MAK: variants seen among roughly 807,000 people sequenced by gnomAD.
The protein encoded by MAK is serine/threonine-protein kinase MAK.
In MAK, 65 loss-of-function variants were observed where a neutral mutation model predicts 82.6. That is an observed-to-expected ratio of 0.79 (90% CI 0.64 to 0.97). The LOEUF is 0.97. Among genes scored for constraint, MAK ranks in the 50% least tolerant of loss-of-function variants. The pLI is 0.00. For missense variants in MAK, 703 were observed against 780.2 expected (o/e 0.90, Z 1.18); for synonymous variants, 250 against 274.2 (o/e 0.91, Z 0.87).
chr6:10,782,212 A>T (rs1370400509), intron 11 of MAK, among the ~76,000 whole-genome samples: 769 of 7,492 alleles, frequency 0.1, 8 homozygotes, highest in African/African-American at 0.26. Context: ...TCACACACAC[A>T]CACACACACA....
intron 6 of MAK, 82 bp from the exon 7 acceptor site, chr6:10,803,973 C>A: frequency 1.7e-6 from 2 of 1,172,454 alleles, no homozygotes; most frequent in South Asian, 2.5e-5. Context: ...GCTGTGTGGT[C>A]ATGCATTTCC....
At chr6:10,790,290 C>T (rs1406646268) in intron 10 of MAK, among the ~76,000 whole-genome samples, 2 of 152,108 alleles carry the variant, frequency 1.3e-5, no homozygotes, top group African/African-American at 2.4e-5. Flanking sequence ...ATATGTACTC[C>T]TTAGAGATTC....
chr6:10,796,425 G>T (rs1775569508), intron 8 of MAK, 116 bp from the exon 9 acceptor site: 4 of 802,536 alleles, frequency 5.0e-6, no homozygotes, highest in African/African-American at 1.7e-5. Context: ...GAGCTTCAAA[G>T]ATTTAGAAAG....
Position 10,770,334 on chromosome 6 carries a change from A to G in MAK, c.1673-104T>C, listed in dbSNP as rs1772889064. 3 of 1,354,834 alleles carry G rather than the reference A, an allele frequency of 2.2e-6. No homozygotes were observed. The East Asian group carries it at 6.9e-5, about 31-fold the overall frequency. The allele number at this position is 1,354,834 out of a possible 1,614,324, so 83.9% of individuals were successfully genotyped here. ...TTACTTCTAAATACTATTTTTCAGC[A>G]TCTACTATGTTTTAGGCACTGAGCT... is the stretch of plus-strand genomic sequence containing the variant. On this transcript the variant is annotated intron_variant, in intron 13 of 14. Transcript: ENST00000354489.
chr6:10,791,989 T>C lies in MAK; in HGVS notation c.1144-142A>G, dbSNP rs1581689785. 6.7e-5 allele frequency: 58 copies of C among 860,650 alleles called. No individual in the cohort carries two copies. The East Asian group carries it at 1.5e-3, about 22-fold the overall frequency. The allele number at this position is 860,650 out of a possible 1,614,324, so 53.3% of individuals were successfully genotyped here. A position where few individuals can be genotyped will look rare whatever the true frequency, so the allele number is the denominator to read the frequency against. On this transcript the variant is annotated intron_variant, in intron 9 of 14. Transcript: ENST00000354489. ...TGTAAGGGCATAACATATATACACATTTAAAAGCATGAACAAAAATGGGCG... is the reference window on the plus strand; with the variant it reads ...TGTAAGGGCATAACATATATACACACTTAAAAGCATGAACAAAAATGGGCG...
rs1772183901 is a variant in MAK at position 10,764,201 on chromosome 6, A to G, written c.*251T>C. ...TTAAATTGTAGATCAAATACTTCAT[A>G]CTTTGGCAAATAGTTTATTCAATAC... On this transcript the variant is annotated 3_prime_UTR_variant, in exon 15 of 15. Coordinates refer to ENST00000354489, the MANE Select transcript of MAK (RefSeq NM_001242957.3). 2.2e-6 allele frequency: 1 copy of G among 453,958 alleles called. No individual in the cohort carries two copies. Among genetic ancestry groups the G allele is most frequent in the African/African-American group, 2.0e-5 (1 of 50,434 alleles). 28.1% of individuals were successfully genotyped at this position (453,958 alleles called of 1,614,324 possible). A position where few individuals can be genotyped will look rare whatever the true frequency, so the allele number is the denominator to read the frequency against.
In MAK at chr6:10,773,048, A is replaced by G. The variant is rs1773159576; in HGVS notation, c.1658T>C (p.Leu553Ser). 5.2e-6 allele frequency: 8 copies of G among 1,531,544 alleles called. No homozygotes were observed. The highest frequency in any genetic ancestry group is 6.1e-6 in the Non-Finnish European group (7 of 1,143,066). The allele number at this position is 1,531,544 out of a possible 1,614,324, so 94.9% of individuals were successfully genotyped here. The change falls in exon 13 of 15, where the codon TTA (leucine) becomes TCA (serine). Residue 553 changes from leucine (L) to serine (S), a missense_variant. Transcript: ENST00000354489. Reference sequence around the variant, plus strand: ...CCAGAAATTACCTTGTGGGTCCTCTAATTTTTCAGGAAAAGTTTCATTGCA... The same window carrying G: ...CCAGAAATTACCTTGTGGGTCCTCTGATTTTTCAGGAAAAGTTTCATTGCA... ...LSCNETFPEK[L>S]EDPQGNLGSY...
At chr6:10,828,021 T>G (rs184712153) in intron 2 of MAK, among the ~76,000 whole-genome samples, 103 of 152,076 alleles carry the variant, frequency 6.8e-4, no homozygotes, top group Non-Finnish European at 1.3e-3. Flanking sequence ...TCAATGTTTG[T>G]TTTTTTTAGT....
rs80100188 is a variant in MAK, at chr6:10,779,180, G to A, written c.1466-3721C>T. ...GAAGTGCTATGGAGTGAGCTGCTCC[G>A]GCCAGCAGTGGTGGCATCGATTCAT... On this transcript the variant is annotated intron_variant, in intron 11 of 14. Coordinates refer to ENST00000354489, the MANE Select transcript of MAK (RefSeq NM_001242957.3). 1,303 of 167,968 alleles carry A rather than the reference G, an allele frequency of 7.8e-3. 13 individuals are homozygous for A. The highest frequency in any genetic ancestry group is 0.031 in the African/African-American group (1,258 of 40,442). 10.4% of individuals were successfully genotyped at this position (167,968 alleles called of 1,614,324 possible).
chr6:10,797,572 G>A (rs2127550657), intron 8 of MAK: 3 of 984,234 alleles, frequency 3.0e-6, no homozygotes, highest in Non-Finnish European at 2.4e-6. Context: ...TCTAAAGCCT[G>A]TGTAGCTCAG....
chr6:10,765,991 G>A (rs774990451), intron 14 of MAK, among the ~76,000 whole-genome samples: 1 of 152,214 alleles, frequency 6.6e-6, no homozygotes, highest in African/African-American at 2.4e-5. Context: ...CAAAGCAGGA[G>A]ATCATTTTAC....
intron 1 of MAK, among the ~76,000 whole-genome samples, chr6:10,835,294 C>T (rs1249363706): frequency 6.6e-6 from 1 of 152,194 alleles, no homozygotes; most frequent in Non-Finnish European, 1.5e-5. Flanking sequence ...TCCTACAGCT[C>T]GGATGCCCAG....
intron 7 of MAK, 102 bp from the exon 8 acceptor site, chr6:10,802,161 G>T: frequency 2.3e-6 from 2 of 865,190 alleles, no homozygotes; most frequent in South Asian, 1.6e-5. Context: ...ATTTATGTTT[G>T]AACATTTTCA....
At chr6:10,802,325 A>C (rs974677635) in intron 7 of MAK, 14 of 394,220 alleles carry the variant, frequency 3.6e-5, no homozygotes, top group Non-Finnish European at 6.1e-5. Context: ...GTTTTTTTTG[A>C]GACAGGATCT....
chr6:10,813,786 T>C (rs1296006968), intron 4 of MAK, 63 bp from the exon 5 acceptor site: 1 of 891,520 alleles, frequency 1.1e-6, no homozygotes, highest in Non-Finnish European at 1.9e-6. Context: ...CCAAAGAAGG[T>C]TTATATTCCC....
intron 13 of MAK, among the ~76,000 whole-genome samples, chr6:10,770,570 G>T (rs1343244862): frequency 6.6e-6 from 1 of 152,110 alleles, no homozygotes; most frequent in Non-Finnish European, 1.5e-5. Context: ...CTTCACATGG[G>T]GGTGTATTTC....
At chr6:10,801,071 A>T (rs1193872054) in intron 8 of MAK, among the ~76,000 whole-genome samples, 1 of 151,164 alleles carries the variant, frequency 6.6e-6, no homozygotes, top group East Asian at 1.9e-4. Context: ...TACCATCATC[A>T]ATTTAAAGAT....
Position 10,821,975 on chromosome 6 carries a change from A to G in MAK, c.102-3035T>C, listed in dbSNP as rs565926376. 4.7e-3 allele frequency among the ~76,000 whole-genome samples: 706 copies of G among 149,828 alleles called. 4 individuals carry two copies. Among genetic ancestry groups the G allele is most frequent in the Middle Eastern group, 7.0e-3 (2 of 284 alleles). On this transcript the variant is annotated intron_variant, in intron 2 of 14. Coordinates refer to ENST00000354489, the MANE Select transcript of MAK (RefSeq NM_001242957.3). ...CTCCTGGGTAACAGGGTGAAACCCC[A>G]TCTCTACTGAAAATACAAAAAATTA... is the stretch of plus-strand genomic sequence containing the variant.
intron 11 of MAK, among the ~76,000 whole-genome samples, chr6:10,782,231 CACACACACACACACACACAG>C (rs1016130215): frequency 4.6e-5 from 7 of 151,224 alleles, no homozygotes; most frequent in African/African-American, 1.5e-4. Flanking sequence ...CACACACACA[CACACACACACACACACACAG>C]ACACACACCA....
Sources: gnomAD v4.1 joint callset for allele counts (sites outside exome capture counted in the v4.1 genomes callset) on GRCh38, gnomAD v4.1.1 for gene constraint, MANE v1.5 for transcripts, NCBI Gene and HGNC (gene_info 2026-07-23, HGNC 2026-07-21) for gene names.